NRG1: variants seen among roughly 807,000 people sequenced by gnomAD.
NRG1 encodes neuregulin 1, also known as pro-neuregulin-1, membrane-bound isoform.
In NRG1, 18 loss-of-function variants were observed where a neutral mutation model predicts 63.8. The ratio of observed to expected loss-of-function variants is 0.28; its 90% CI spans 0.19 to 0.42. NRG1 has a LOEUF of 0.42. NRG1 is among the 10% of genes least tolerant of loss of function. The pLI is 1.00. For synonymous variants in NRG1, 302 were observed against 301.3 expected, an observed-to-expected ratio of 1.00 and a Z score of -0.02; for missense variants, 762 against 814.7, an observed-to-expected ratio of 0.94 and a Z score of 0.79.
chr8:31,755,785 T>G (rs1447103664), intron 1 of NRG1, among the ~76,000 whole-genome samples: 1 of 152,108 alleles, frequency 6.6e-6, no homozygotes, highest in African/African-American at 2.4e-5. Context: ...GAATTCCTAC[T>G]CTGCATTCTA....
intron 1 of NRG1, among the ~76,000 whole-genome samples, chr8:32,126,180 A>T (rs1197962793): frequency 1.3e-5 from 2 of 151,862 alleles, no homozygotes; most frequent in Non-Finnish European, 2.9e-5. Flanking sequence ...ATTTAATACC[A>T]TTGCTCTGGG....
At chr8:31,772,705 T>G (rs2131578641) in intron 1 of NRG1, among the ~76,000 whole-genome samples, 1 of 152,258 alleles carries the variant, frequency 6.6e-6, no homozygotes, top group African/African-American at 2.4e-5. Context: ...TTCTGCTTCC[T>G]TCCTTATTAG....
At chr8:32,249,397 G>A (rs1170946024) in intron 1 of NRG1, among the ~76,000 whole-genome samples, 4 of 152,100 alleles carry the variant, frequency 2.6e-5, no homozygotes, top group Admixed American at 2.0e-4. Context: ...GGTCAAGAGT[G>A]GACACAGAAT....
intron 1 of NRG1, among the ~76,000 whole-genome samples, chr8:32,494,143 A>G (rs1826923696): frequency 6.6e-6 from 1 of 152,224 alleles, no homozygotes; most frequent in Non-Finnish European, 1.5e-5. Context: ...TTCAAAGATG[A>G]ACAGAAGTGT....
intron 1 of NRG1, among the ~76,000 whole-genome samples, chr8:31,665,757 G>C (rs1364903643): frequency 6.6e-6 from 1 of 151,846 alleles, no homozygotes; most frequent in Non-Finnish European, 1.5e-5. Context: ...GTTGCATTGC[G>C]TTTATCCTGG....
chr8:31,956,046 A>AAC (rs1554585273), intron 1 of NRG1, among the ~76,000 whole-genome samples: 1 of 150,020 alleles, frequency 6.7e-6, no homozygotes, highest in Non-Finnish European at 1.5e-5. Flanking sequence ...GTCTCAAAAA[A>AAC]AAAAAAACAA....
chr8:32,736,593 T>C (rs1825129050), intron 6 of NRG1, among the ~76,000 whole-genome samples: 1 of 152,176 alleles, frequency 6.6e-6, no homozygotes, highest in Non-Finnish European at 1.5e-5. Flanking sequence ...ACAGCTAGTA[T>C]TGAGGAAAAG....
intron 1 of NRG1, among the ~76,000 whole-genome samples, chr8:32,310,414 C>T (rs1326145692): frequency 4.6e-5 from 7 of 152,124 alleles, no homozygotes; most frequent in South Asian, 4.1e-4. Context: ...AAGGGATTAT[C>T]GATCCCACAA....
intron 1 of NRG1, among the ~76,000 whole-genome samples, chr8:31,739,662 C>A (rs561213961): frequency 6.6e-6 from 1 of 152,108 alleles, no homozygotes; most frequent in African/African-American, 2.4e-5. Flanking sequence ...GGAGCAATGA[C>A]ATTTGGGGGG....
intron 1 of NRG1, among the ~76,000 whole-genome samples, chr8:32,344,396 T>TTTCTTCCTCTTTCTTTC (rs1804554831): frequency 1.9e-5 from 1 of 53,704 alleles, no homozygotes; most frequent in Non-Finnish European, 4.3e-5. Flanking sequence ...TTCTTTCTTT[T>TTTCTTCCTCTTTCTTTC]TTGTGCATGC....
chr8:32,248,048 A>G (rs942611067), intron 1 of NRG1, among the ~76,000 whole-genome samples: 1 of 152,088 alleles, frequency 6.6e-6, no homozygotes, highest in African/African-American at 2.4e-5. Flanking sequence ...GCGTTTTACA[A>G]CTTTCTACGT....
chr8:32,253,581 G>C (rs1452457840), intron 1 of NRG1, among the ~76,000 whole-genome samples: 1 of 152,172 alleles, frequency 6.6e-6, no homozygotes, highest in South Asian at 2.1e-4. Flanking sequence ...TGTGCTGCTG[G>C]ATTCAGTTTG....
intron 1 of NRG1, among the ~76,000 whole-genome samples, chr8:31,657,428 G>A (rs1044333796): frequency 7.2e-5 from 11 of 152,132 alleles, no homozygotes; most frequent in Admixed American, 7.2e-4. Flanking sequence ...CAGATATTCT[G>A]ATCTTGGACA....
At chr8:31,701,451 T>C in intron 1 of NRG1, among the ~76,000 whole-genome samples, 1 of 152,108 alleles carries the variant, frequency 6.6e-6, no homozygotes, top group African/African-American at 2.4e-5. Context: ...AATTCTTTGT[T>C]TGAGTCAAAA....
chr8:31,650,669 G>A (rs1320655643), intron 1 of NRG1, among the ~76,000 whole-genome samples: 1 of 152,162 alleles, frequency 6.6e-6, no homozygotes, highest in Non-Finnish European at 1.5e-5. Context: ...ACAAGGTACT[G>A]TTACAAATTT....
chr8:31,896,930 T>A (rs1044653493), intron 1 of NRG1, among the ~76,000 whole-genome samples: 5 of 152,246 alleles, frequency 3.3e-5, no homozygotes, highest in African/African-American at 4.8e-5. Context: ...GACTTGTGTT[T>A]AGATCCTCAT....
intron 1 of NRG1, among the ~76,000 whole-genome samples, chr8:31,887,527 A>G (rs1830814517): frequency 6.6e-6 from 1 of 152,080 alleles, no homozygotes; most frequent in Admixed American, 6.6e-5. Context: ...AACTACACAT[A>G]TAGAGAAGAT....
intron 1 of NRG1, among the ~76,000 whole-genome samples, chr8:31,708,389 T>C (rs1417556074): frequency 6.6e-6 from 1 of 151,862 alleles, no homozygotes; most frequent in Admixed American, 6.6e-5. Flanking sequence ...TGGAACAGAC[T>C]ACTCCCCTGA....
At chr8:31,683,313 A>C (rs1808529869) in intron 1 of NRG1, among the ~76,000 whole-genome samples, 1 of 152,166 alleles carries the variant, frequency 6.6e-6, no homozygotes, top group South Asian at 2.1e-4. Flanking sequence ...GTAGGTGCAT[A>C]GAGAAAAAAA....
Sources: gnomAD v4.1 joint callset for allele counts (sites outside exome capture counted in the v4.1 genomes callset) on GRCh38, gnomAD v4.1.1 for gene constraint, MANE v1.5 for transcripts, NCBI Gene and HGNC (gene_info 2026-07-23, HGNC 2026-07-21) for gene names.